The following COL1A2 variants were observed in gnomAD, a reference collection of about 807,000 sequenced individuals.
The protein encoded by COL1A2 is collagen alpha-2(I) chain.
COL1A2 carries 49 observed loss-of-function variants against 174.3 expected under a neutral mutation model. That is an observed-to-expected ratio of 0.28 (90% CI 0.22 to 0.36). The LOEUF is 0.36. Ranked by LOEUF, COL1A2 falls within the 10% of genes least tolerant of loss-of-function variation. The probability of loss-of-function intolerance (pLI) is 1.00; values close to 1 mark genes in which losing one functional copy is unlikely to be tolerated. For missense variants in COL1A2, 1,438 were observed against 1,822.7 expected (o/e 0.79, Z 3.84); for synonymous variants, 655 against 606.6 (o/e 1.08, Z -1.17).
At position 94,421,060 on chromosome 7, in the gene COL1A2, C is replaced by G; in HGVS notation, c.2347C>G (p.Pro783Ala). The G allele has an allele frequency of 6.2e-7, 1 of 1,614,052 alleles. No homozygotes were observed. Among genetic ancestry groups the G allele is most frequent in the African/African-American group, 1.3e-5 (1 of 75,030 alleles). ...PAGSRGDGGP[P>A]GMTGFPGAAG... Reference sequence around the variant, plus strand: ...TGGAAGTCGTGGTGATGGAGGCCCCCCTGTGAGTATTTACAATGGACTCTC... The same window carrying G: ...TGGAAGTCGTGGTGATGGAGGCCCCGCTGTGAGTATTTACAATGGACTCTC... The change falls in exon 38 of 52, where the codon CCT (proline) becomes GCT (alanine). Residue 783 changes from proline to alanine, a missense_variant and splice_region_variant. By Grantham distance (27) the Pro-to-Ala change is conservative (BLOSUM62 -1). Around this residue, in one of 3 missense-constraint regions of COL1A2, gnomAD observed 867 missense variants for 1,213.7 expected, o/e 0.71. Transcript: ENST00000297268.
rs548991772 is a variant in COL1A2 at position 94,422,098 on chromosome 7, A to G, written c.2403+146A>G. On this transcript the variant is annotated intron_variant, in intron 39 of 51. Transcript: ENST00000297268. ...GGTCTGAAGTCAGCTTTTCTGAACCATTAAGGTATTTCATCACAAGTTATA... is the reference window on the plus strand; with the variant it reads ...GGTCTGAAGTCAGCTTTTCTGAACCGTTAAGGTATTTCATCACAAGTTATA... The G allele has an allele frequency of 1.7e-3, 1,049 of 609,122 alleles. 3 individuals carry two copies. Among genetic ancestry groups the G allele is most frequent in the Non-Finnish European group, 1.2e-3 (413 of 348,396 alleles). The allele number at this position is 609,122 out of a possible 1,614,324, so 37.7% of individuals were successfully genotyped here. A position where few individuals can be genotyped will look rare whatever the true frequency, so the allele number is the denominator to read the frequency against.
intron 34 of COL1A2, 115 bp from the exon 35 acceptor site, chr7:94,420,118 A>T (rs1032558482): frequency 7.6e-7 from 1 of 1,322,778 alleles, no homozygotes; most frequent in South Asian, 1.2e-5. Context: ...TGCGTCAGTT[A>T]TCTCTTCCAA....
chr7:94,408,205 A>G lies in COL1A2; in HGVS notation c.662A>G (p.Glu221Gly). 1 of 1,613,846 alleles carries G rather than the reference A, an allele frequency of 6.2e-7. No individual in the cohort carries two copies. The highest frequency in any genetic ancestry group is 1.1e-5 in the South Asian group (1 of 91,062). ...TAGGGAGCCCGTGGGCTTCCTGGTGAGAGAGGACGTGTTGGTGCCCCTGGC... is the reference window on the plus strand; with the variant it reads ...TAGGGAGCCCGTGGGCTTCCTGGTGGGAGAGGACGTGTTGGTGCCCCTGGC... ...GQTGARGLPG[E>G]RGRVGAPGPA... The change falls in exon 14 of 52, where the codon GAG (glutamate) becomes GGG (glycine). Residue 221 changes from glutamate to glycine, a missense_variant. Physicochemically the swap from Glu to Gly is moderately conservative, Grantham distance 98. Around this residue, in one of 3 missense-constraint regions of COL1A2, gnomAD observed 281 missense variants for 310.9 expected, o/e 0.90. Transcript: ENST00000297268.
chr7:94,400,030 T>G (rs1297064458), intron 4 of COL1A2, 166 bp from the exon 5 acceptor site: 1 of 782,402 alleles, frequency 1.3e-6, no homozygotes, highest in Non-Finnish European at 2.3e-6. Context: ...TAACCCTCTT[T>G]CTAAAATAGA....
rs374089405 is a variant in COL1A2 at position 94,412,160 on chromosome 7, C to G, written c.1404+39C>G. 4 of 1,539,404 alleles carry G rather than the reference C, an allele frequency of 2.6e-6. No homozygotes were observed. The East Asian group carries it at 9.0e-5, about 35-fold the overall frequency. ...ATTTTCCATTATATTTTCAAGGACACTTATTGCACCCTTATCAAGTCTATT... is the reference window on the plus strand; with the variant it reads ...ATTTTCCATTATATTTTCAAGGACAGTTATTGCACCCTTATCAAGTCTATT... On this transcript the variant is annotated intron_variant, in intron 24 of 51. Coordinates refer to ENST00000297268, the MANE Select transcript of COL1A2 (RefSeq NM_000089.4).
Position 94,424,440 on chromosome 7 carries a change from T to C in COL1A2, c.2670T>C (p.Ala890=). The C allele has an allele frequency of 6.2e-7, 1 of 1,613,646 alleles. No individual in the cohort carries two copies. The highest frequency in any genetic ancestry group is 8.5e-7 in the Non-Finnish European group (1 of 1,179,522). ...GERGLPGVAG[A]VGEPGPLGIA... is the part of the protein sequence containing the mutation. Reference sequence around the variant, plus strand: ...GTGGTCTACCAGGTGTTGCTGGTGCTGTGGTGAGTGCTTGACAGTATTCTG... The same window carrying C: ...GTGGTCTACCAGGTGTTGCTGGTGCCGTGGTGAGTGCTTGACAGTATTCTG... The change falls in exon 41 of 52, where the codon GCT becomes GCC. Residue 890 remains alanine, a synonymous_variant. Transcript: ENST00000297268.
rs1791755938 is a variant in COL1A2, at chr7:94,404,584, G to A, written c.308G>A (p.Gly103Asp). The stretch of plus-strand genomic sequence containing the variant: ...TTAATGGGACCTAGAGGCCCACCTG[G>A]TGCAGCTGGAGCCCCAGTAAGTACT... Reference protein sequence around the residue: ...MGLMGPRGPPGAAGAPGPQGF... With the variant: ...MGLMGPRGPPDAAGAPGPQGF... Residue 103 changes from glycine (G) to aspartate (D), a missense_variant, in exon 7 of 52, where the codon GGT becomes GAT. Gly to Asp is a moderately conservative substitution (Grantham distance 94). Coordinates refer to ENST00000297268, the MANE Select transcript of COL1A2 (RefSeq NM_000089.4). The A allele has an allele frequency of 6.2e-7, 1 of 1,613,694 alleles. No homozygotes were observed. The highest frequency in any genetic ancestry group is 1.3e-5 in the African/African-American group (1 of 74,912).
intron 38 of COL1A2, chr7:94,421,446 T>C (rs1390671725): frequency 1.2e-4 from 45 of 387,278 alleles, no homozygotes; most frequent in Non-Finnish European, 3.3e-5. Flanking sequence ...ACTGACTTCT[T>C]CTCTCACTGG....
intron 37 of COL1A2, 119 bp downstream of exon 37, chr7:94,420,767 A>T: frequency 9.8e-7 from 1 of 1,016,526 alleles, no homozygotes; most frequent in Non-Finnish European, 1.5e-6. Context: ...GATGGAAAAT[A>T]ACGGAAGGAT....
At chr7:94,398,544 C>G (rs1408657298) in intron 3 of COL1A2, 148 bp downstream of exon 3, 1 of 329,172 alleles carries the variant, frequency 3.0e-6, no homozygotes. Flanking sequence ...AATAAAGTAG[C>G]TTTGATGTTT....
At chr7:94,404,492 G>T in intron 6 of COL1A2, 64 bp from the exon 7 acceptor site, 2 of 1,567,104 alleles carry the variant, frequency 1.3e-6, no homozygotes, top group South Asian at 2.2e-5. Context: ...GGTCATATCT[G>T]ACCCCAGCCA....
At chr7:94,424,304 C>G (rs1452987273) in intron 40 of COL1A2, 32 bp from the exon 41 acceptor site, 7 of 1,572,346 alleles carry the variant, frequency 4.5e-6, no homozygotes, top group Non-Finnish European at 3.5e-6. Flanking sequence ...TAGGGTCTTA[C>G]CCATAATACT....
intron 30 of COL1A2, 82 bp from the exon 31 acceptor site, chr7:94,416,323 C>A: frequency 1.6e-6 from 2 of 1,249,952 alleles, no homozygotes; most frequent in Non-Finnish European, 2.3e-6. Context: ...TCGGAAGCTA[C>A]ACAAATGTAA....
chr7:94,421,710 G>T (rs1178983693), intron 38 of COL1A2, among the ~76,000 whole-genome samples, 189 bp from the exon 39 acceptor site: 1 of 146,774 alleles, frequency 6.8e-6, no homozygotes, highest in Non-Finnish European at 1.5e-5. Context: ...TGCTGGTAAG[G>T]AAGATGTGTG....
At chr7:94,406,177 G>A in intron 11 of COL1A2, 73 bp from the exon 12 acceptor site, 4 of 1,481,004 alleles carry the variant, frequency 2.7e-6, no homozygotes, top group Non-Finnish European at 2.8e-6. Flanking sequence ...TAATGGCAAA[G>A]ATATACAATA....
chr7:94,415,350 G>A lies in COL1A2; in HGVS notation c.1764+80G>A, dbSNP rs557445107. 8 of 1,196,940 alleles carry A rather than the reference G, an allele frequency of 6.7e-6. No individual in the cohort carries two copies. In the East Asian group the frequency reaches 1.9e-4, roughly 28 times the overall value. 74.1% of individuals were successfully genotyped at this position (1,196,940 alleles called of 1,614,324 possible). A position where few individuals can be genotyped will look rare whatever the true frequency, so the allele number is the denominator to read the frequency against. On this transcript the variant is annotated intron_variant, in intron 30 of 51. Coordinates refer to ENST00000297268, the MANE Select transcript of COL1A2 (RefSeq NM_000089.4). ...GTAGTGCTTTCTCCTTAAAGCCACT[G>A]ATGACCCTGCAACAAGTCTCTGATG...
At position 94,394,997 on chromosome 7, in the gene COL1A2, G is replaced by A; in HGVS notation, c.-35G>A. On this transcript the variant is annotated 5_prime_UTR_variant, in exon 1 of 52. Transcript: ENST00000297268. ...CCTCCGCCGGTGACCCAGGGGCTCT[G>A]CGACACAAGGAGTCTGCATGTCTAA... 6.2e-7 allele frequency: 1 copy of A among 1,605,750 alleles called. No individual in the cohort carries two copies. Among genetic ancestry groups the A allele is most frequent in the Non-Finnish European group, 8.5e-7 (1 of 1,173,828 alleles).
Position 94,430,607 on chromosome 7 carries a change from A to G in COL1A2, c.*214A>G, listed in dbSNP as rs1473701107. ...TTCCCCCGCTCCCCCAAAAATTTGAATTTTTTTTTCAACACTCTTACACCT... is the reference window on the plus strand; with the variant it reads ...TTCCCCCGCTCCCCCAAAAATTTGAGTTTTTTTTTCAACACTCTTACACCT... On this transcript the variant is annotated 3_prime_UTR_variant, in exon 52 of 52. Transcript: ENST00000297268. 3.5e-6 allele frequency: 2 copies of G among 565,740 alleles called. No homozygotes were observed. Among genetic ancestry groups the G allele is most frequent in the Non-Finnish European group, 6.2e-6 (2 of 324,256 alleles). 35.0% of individuals were successfully genotyped at this position (565,740 alleles called of 1,614,324 possible).
At chr7:94,430,196 A>G in intron 51 of COL1A2, 51 bp from the exon 52 acceptor site, 1 of 1,561,772 alleles carries the variant, frequency 6.4e-7, no homozygotes, top group Non-Finnish European at 8.8e-7. Context: ...AGATATTATC[A>G]GATTCAGAAA....
Sources: allele counts gnomAD v4.1 joint callset (sites outside exome capture counted in the v4.1 genomes callset), GRCh38; gene constraint gnomAD v4.1.1; regional missense constraint gnomAD v4.1.1; transcripts MANE v1.5; gene names NCBI Gene and HGNC (gene_info 2026-07-23, HGNC 2026-07-21).